Variants in GSTCD observed in about 807,000 individuals in gnomAD.
GSTCD encodes the protein glutathione S-transferase C-terminal domain containing, also known as glutathione S-transferase C-terminal domain-containing protein.
A neutral mutation model predicts 68.3 loss-of-function variants in GSTCD; 44 were observed. The observed-to-expected ratio is 0.64, with a 90% confidence interval of 0.51 to 0.83. GSTCD has a LOEUF of 0.83. Ranked by LOEUF, GSTCD falls within the 40% of genes least tolerant of loss-of-function variation. The pLI, the probability that GSTCD is intolerant of heterozygous loss-of-function variation, is 0.00. For synonymous variants in GSTCD, 273 were observed against 255.2 expected (o/e 1.07, Z -0.67); for missense variants, 739 against 735.9 (o/e 1.00, Z -0.05).
intron 5 of GSTCD, among the ~76,000 whole-genome samples, chr4:105,804,078 C>A (rs1736237803): frequency 6.6e-6 from 1 of 151,778 alleles, no homozygotes; most frequent in Admixed American, 6.6e-5. Flanking sequence ...AAATGTATTT[C>A]TATTTATGAA....
chr4:105,743,784 G>A (rs571418980), intron 5 of GSTCD, among the ~76,000 whole-genome samples: 7 of 149,410 alleles, frequency 4.7e-5, no homozygotes, highest in Non-Finnish European at 1.0e-4. Context: ...TCAGCCTCTC[G>A]AGTAGCTGGG....
At chr4:105,844,708 C>T (rs767677022) in intron 11 of GSTCD, among the ~76,000 whole-genome samples, 3 of 152,186 alleles carry the variant, frequency 2.0e-5, no homozygotes, top group Non-Finnish European at 4.4e-5. Context: ...AAAAGTAAAT[C>T]ATGGCTTTGA....
At chr4:105,844,445 C>A (rs1724475651) in intron 11 of GSTCD, among the ~76,000 whole-genome samples, 1 of 152,114 alleles carries the variant, frequency 6.6e-6, no homozygotes, top group African/African-American at 2.4e-5. Flanking sequence ...TCTCTCATTG[C>A]TAATTCTTAC....
intron 5 of GSTCD, among the ~76,000 whole-genome samples, chr4:105,735,839 T>A (rs1035418167): frequency 2.0e-5 from 3 of 151,706 alleles, no homozygotes; most frequent in African/African-American, 7.3e-5. Context: ...CCTGACATAT[T>A]TTGAAAAAAA....
intron 5 of GSTCD, among the ~76,000 whole-genome samples, chr4:105,759,346 A>ATCT (rs143768911): frequency 0.02 from 2,991 of 152,230 alleles, 107 homozygotes; most frequent in African/African-American, 0.067. Flanking sequence ...AATAACCTAC[A>ATCT]TCTAGGAGGC....
chr4:105,768,964 A>G (rs1208629396), intron 5 of GSTCD, among the ~76,000 whole-genome samples: 1 of 151,958 alleles, frequency 6.6e-6, no homozygotes, highest in African/African-American at 2.4e-5. Context: ...GCTATTCACT[A>G]TTTTATAGAA....
chr4:105,770,708 T>A (rs1734811276), intron 5 of GSTCD, among the ~76,000 whole-genome samples: 1 of 152,218 alleles, frequency 6.6e-6, no homozygotes, highest in Non-Finnish European at 1.5e-5. Flanking sequence ...GAACTCATCC[T>A]TTTTTATGGC....
chr4:105,825,837 T>A, intron 8 of GSTCD, 37 bp downstream of exon 8: 1 of 1,310,950 alleles, frequency 7.6e-7, no homozygotes. Context: ...TTTAATTAGC[T>A]AAATAAGAAA....
At chr4:105,744,708 GCTTAT>G (rs2149221994) in intron 5 of GSTCD, among the ~76,000 whole-genome samples, 1 of 152,174 alleles carries the variant, frequency 6.6e-6, no homozygotes, top group South Asian at 2.1e-4. Flanking sequence ...CATATTACAG[GCTTAT>G]CTTATCATTT....
intron 5 of GSTCD, among the ~76,000 whole-genome samples, chr4:105,740,698 T>A (rs1733604746): frequency 6.6e-6 from 1 of 152,176 alleles, no homozygotes; most frequent in Non-Finnish European, 1.5e-5. Flanking sequence ...ACTTTTTTCA[T>A]GCGTCTTTTC....
At chr4:105,749,856 C>CTATT (rs1733946028) in intron 5 of GSTCD, among the ~76,000 whole-genome samples, 1 of 152,034 alleles carries the variant, frequency 6.6e-6, no homozygotes, top group South Asian at 2.1e-4. Flanking sequence ...CTGCCAAAGA[C>CTATT]TATTAAAAGG....
At chr4:105,814,866 T>G (rs1472252828) in intron 5 of GSTCD, among the ~76,000 whole-genome samples, 1 of 152,148 alleles carries the variant, frequency 6.6e-6, no homozygotes, top group Non-Finnish European at 1.5e-5. Flanking sequence ...GTTAGGATCC[T>G]TAGAAAGGGA....
intron 5 of GSTCD, among the ~76,000 whole-genome samples, chr4:105,786,248 G>A (rs1392395624): frequency 6.6e-6 from 1 of 151,042 alleles, no homozygotes; most frequent in Non-Finnish European, 1.5e-5. Flanking sequence ...GGTGGCTCAT[G>A]CCTGTAAATC....
chr4:105,709,858 T>A (rs1383052911), intron 1 of GSTCD, among the ~76,000 whole-genome samples: 1 of 152,222 alleles, frequency 6.6e-6, no homozygotes, highest in African/African-American at 2.4e-5. Context: ...ACTAGTGATG[T>A]GATAATTTTA....
intron 5 of GSTCD, among the ~76,000 whole-genome samples, chr4:105,775,003 AG>A (rs56213745): frequency 0.82 from 124,045 of 152,038 alleles, 50,956 homozygotes; most frequent in East Asian, 0.96. Flanking sequence ...AATCAAACTT[AG>A]GTTTCGTCTT....
At chr4:105,791,810 A>G (rs1735687879) in intron 5 of GSTCD, among the ~76,000 whole-genome samples, 1 of 152,090 alleles carries the variant, frequency 6.6e-6, no homozygotes, top group Non-Finnish European at 1.5e-5. Flanking sequence ...AGAAGAATCT[A>G]TATGTCAGAG....
At chr4:105,831,209 CTCTG>C (rs1353340946) in intron 8 of GSTCD, among the ~76,000 whole-genome samples, 40 of 152,194 alleles carry the variant, frequency 2.6e-4, no homozygotes, top group African/African-American at 8.9e-4. Flanking sequence ...TAGCCTGCTT[CTCTG>C]TCTAAGGTAT....
chr4:105,829,508 C>T (rs184694072), intron 8 of GSTCD, among the ~76,000 whole-genome samples: 8 of 152,172 alleles, frequency 5.3e-5, no homozygotes, highest in African/African-American at 9.6e-5. Flanking sequence ...TGGAGGAAGG[C>T]GAATGAGGAG....
At chr4:105,819,529 C>A (rs529666252) in intron 5 of GSTCD, among the ~76,000 whole-genome samples, 10 of 151,824 alleles carry the variant, frequency 6.6e-5, no homozygotes, top group Admixed American at 6.6e-4. Flanking sequence ...AGGTATCTTA[C>A]TTATTGTTCC....
Sources: allele counts gnomAD v4.1 joint callset (sites outside exome capture counted in the v4.1 genomes callset), GRCh38; gene constraint gnomAD v4.1.1; transcripts MANE v1.5; gene names NCBI Gene and HGNC (gene_info 2026-07-23, HGNC 2026-07-21).